TMPRSS7: variants seen among roughly 807,000 people sequenced by gnomAD.
TMPRSS7 encodes transmembrane serine protease 7.
Under a neutral mutation model 95.6 loss-of-function variants are expected in TMPRSS7, and 81 were observed. The observed-to-expected ratio is 0.85, with a 90% confidence interval of 0.71 to 1.02. The LOEUF (loss-of-function observed/expected upper bound fraction) is 1.02. Ranked by LOEUF, TMPRSS7 falls within the 50% of genes least tolerant of loss-of-function variation. The pLI is 0.00. For synonymous variants in TMPRSS7, 364 were observed against 337.8 expected (o/e 1.08, Z -0.85); for missense variants, 945 against 955.2 (o/e 0.99, Z 0.14).
chr3:112,042,992 T>C, intron 3 of TMPRSS7: 1 of 455,538 alleles, frequency 2.2e-6, no homozygotes, highest in Non-Finnish European at 4.4e-6. Flanking sequence ...GGAAAGGTGG[T>C]GAGAGAGAGG....
intron 9 of TMPRSS7, among the ~76,000 whole-genome samples, chr3:112,054,667 A>G (rs2073407978): frequency 6.8e-6 from 1 of 146,746 alleles, no homozygotes; most frequent in Admixed American, 7.0e-5. Context: ...TTGCACTGGA[A>G]GATGTTCTTA....
chr3:112,057,031 C>G, exon 10 of TMPRSS7: 7 of 1,602,276 alleles, frequency 4.4e-6, no homozygotes, highest in Non-Finnish European at 6.0e-6. Context: ...ACAGACTTCT[C>G]TATCAACTCT....
intron 4 of TMPRSS7, 64 bp downstream of exon 4, chr3:112,044,386 G>T: frequency 3.6e-6 from 5 of 1,370,072 alleles, no homozygotes; most frequent in Non-Finnish European, 4.1e-6. Flanking sequence ...TCAAGGCTAT[G>T]AAAAGGCTGA....
At chr3:112,075,536 A>G (rs763838919) in intron 15 of TMPRSS7, 44 bp downstream of exon 15, 9 of 1,355,642 alleles carry the variant, frequency 6.6e-6, no homozygotes, top group South Asian at 4.2e-5. Flanking sequence ...CTCTGTGGCC[A>G]TAGACAATAT....
intron 14 of TMPRSS7, 99 bp from the exon 15 acceptor site, chr3:112,075,222 T>C: frequency 2.4e-6 from 3 of 1,234,046 alleles, no homozygotes; most frequent in Non-Finnish European, 3.2e-6. Flanking sequence ...TTCAAATTGC[T>C]ACCTAGTGAG....
intron 13 of TMPRSS7, among the ~76,000 whole-genome samples, chr3:112,070,256 G>C (rs1028719858): frequency 1.3e-5 from 2 of 152,118 alleles, no homozygotes; most frequent in African/African-American, 4.8e-5. Flanking sequence ...CCAATTATGT[G>C]GTCAATTTTA....
At chr3:112,060,225 A>AGATCACAG (rs1466098793) in intron 10 of TMPRSS7, among the ~76,000 whole-genome samples, 1 of 152,226 alleles carries the variant, frequency 6.6e-6, no homozygotes, top group Non-Finnish European at 1.5e-5. Context: ...AGGCAGGGCG[A>AGATCACAG]GATCACAGGA....
At chr3:112,069,917 G>A (rs2073621691) in intron 13 of TMPRSS7, among the ~76,000 whole-genome samples, 1 of 152,148 alleles carries the variant, frequency 6.6e-6, no homozygotes, top group East Asian at 1.9e-4. Context: ...TAATTGTGAT[G>A]TTATGGTGTT....
At chr3:112,040,450 C>A (rs1034204085) in intron 2 of TMPRSS7, among the ~76,000 whole-genome samples, 1 of 152,128 alleles carries the variant, frequency 6.6e-6, no homozygotes, top group Admixed American at 6.6e-5. Context: ...TCATTTGATA[C>A]ATCTTGAGAC....
At chr3:112,046,346 C>T (rs1192807819) in intron 5 of TMPRSS7, among the ~76,000 whole-genome samples, 1 of 152,158 alleles carries the variant, frequency 6.6e-6, no homozygotes, top group African/African-American at 2.4e-5. Context: ...TCCAAAACAG[C>T]TTGCTTCATA....
In TMPRSS7 at chr3:112,063,507, A is replaced by AT. The variant is rs780098658; in HGVS notation, c.1448-12dup. ...TCTATCCAAGATTTTCTATTTTTTG[A>AT]TTTTTTGTTGCCCATAGCCTGCCCT... On this transcript the variant is annotated splice_polypyrimidine_tract_variant and intron_variant, in intron 11 of 17. Transcript: ENST00000452346. The AT allele has an allele frequency of 6.2e-6, 10 of 1,600,286 alleles. No homozygotes were observed. In the African/African-American group the frequency reaches 8.1e-5, roughly 13 times the overall value.
intron 10 of TMPRSS7, among the ~76,000 whole-genome samples, chr3:112,058,883 G>A (rs1455546000): frequency 6.6e-6 from 1 of 152,204 alleles, no homozygotes; most frequent in African/African-American, 2.4e-5. Context: ...TGGGCTGGCT[G>A]AAATCCTATC....
At chr3:112,056,419 A>G (rs1347685451) in intron 9 of TMPRSS7, among the ~76,000 whole-genome samples, 2 of 152,228 alleles carry the variant, frequency 1.3e-5, no homozygotes, top group Non-Finnish European at 2.9e-5. Context: ...ATCAGACATA[A>G]TACAGATGTA....
At chr3:112,066,996 C>G (rs2073585952) in intron 13 of TMPRSS7, among the ~76,000 whole-genome samples, 1 of 152,138 alleles carries the variant, frequency 6.6e-6, no homozygotes, top group Non-Finnish European at 1.5e-5. Flanking sequence ...TACCCCCTGA[C>G]AGGCCCTGGT....
intron 13 of TMPRSS7, 49 bp from the exon 14 acceptor site, chr3:112,074,245 CAA>C (rs781491048): frequency 7.6e-7 from 1 of 1,307,532 alleles, no homozygotes; most frequent in South Asian, 1.2e-5. Context: ...CTCATTCACT[CAA>C]GTTTGTTTCT....
At chr3:112,062,014 ATACTGC>A in intron 11 of TMPRSS7, 91 bp downstream of exon 11, 1 of 960,420 alleles carries the variant, frequency 1.0e-6, no homozygotes, top group Admixed American at 3.0e-5. Context: ...TAAGAAATGA[ATACTGC>A]TTTATTTCTG....
chr3:112,080,909 T>C lies in TMPRSS7; in HGVS notation c.2362-5T>C, dbSNP rs762038325. The C allele has an allele frequency of 1.9e-6, 3 of 1,611,806 alleles. No homozygotes were observed. The South Asian group carries it at 3.3e-5, about 18-fold the overall frequency. ...ACTTTATACTTACATTTTTTGTGTG[T>C]GTAGGGAGATTCGGGTGGACCTTTA... On this transcript the variant is annotated splice_polypyrimidine_tract_variant and splice_region_variant and intron_variant, in intron 17 of 17. Coordinates refer to ENST00000452346, the Ensembl canonical transcript of TMPRSS7.
intron 2 of TMPRSS7, chr3:112,039,611 C>T (rs1299899598): frequency 6.6e-6 from 1 of 152,202 alleles, no homozygotes; most frequent in East Asian, 1.9e-4. Context: ...GGTTGGTGAA[C>T]ATATCCAGTT....
intron 17 of TMPRSS7, 124 bp downstream of exon 17, chr3:112,079,002 C>A: frequency 9.1e-7 from 1 of 1,101,898 alleles, no homozygotes; most frequent in Non-Finnish European, 1.3e-6. Context: ...TTGAGCTGCT[C>A]AGATATTATT....
Sources: allele counts gnomAD v4.1 joint callset (sites outside exome capture counted in the v4.1 genomes callset), GRCh38; gene constraint gnomAD v4.1.1; transcripts MANE v1.5; gene names NCBI Gene and HGNC (gene_info 2026-07-23, HGNC 2026-07-21).